Variants in IL1RAPL1 observed in about 807,000 individuals in gnomAD.
The protein encoded by IL1RAPL1 is interleukin 1 receptor accessory protein like 1.
In IL1RAPL1, 3 loss-of-function variants were observed where a neutral mutation model predicts 48.4. The observed-to-expected ratio is 0.06, with a 90% CI of 0.03 to 0.16. The LOEUF is 0.16. IL1RAPL1 is among the 10% of genes least tolerant of loss of function. The probability of loss-of-function intolerance (pLI) is 1.00; values close to 1 mark genes in which losing one functional copy is unlikely to be tolerated. For synonymous variants in IL1RAPL1, 185 were observed against 187.7 expected (o/e 0.99, Z 0.12); for missense variants, 349 against 530.6 (o/e 0.66, Z 3.36).
intron 2 of IL1RAPL1, among the ~76,000 whole-genome samples, chrX:28,962,162 C>T (rs1924795925): frequency 9.0e-6 from 1 of 111,724 alleles, no homozygotes; most frequent in African/African-American, 3.2e-5. Context: ...GACCTGTCTT[C>T]TTTGGAAGAA....
At chrX:29,184,055 CTT>C (rs1930201971) in intron 2 of IL1RAPL1, among the ~76,000 whole-genome samples, 1 of 112,026 alleles carries the variant, frequency 8.9e-6, no homozygotes, top group Non-Finnish European at 1.9e-5. Flanking sequence ...CTCAAAGAAG[CTT>C]TGTGTTATTC....
In IL1RAPL1 at chrX:29,893,449, C is replaced by A. The variant is rs112592942; in HGVS notation, c.779-24015C>A. 9.8e-3 allele frequency among the ~76,000 whole-genome samples: 1,084 copies of A among 111,046 alleles called. 11 individuals are homozygous for A. The highest frequency in any genetic ancestry group is 0.033 in the African/African-American group (1,009 of 30,554). On this transcript the variant is annotated intron_variant, in intron 6 of 10. Transcript: ENST00000378993. ...TGATTCTACATACTATGTTTTCAGA[C>A]AATCTGAATGTGCATTTTTATGGAG... is the stretch of plus-strand genomic sequence containing the variant.
At chrX:29,220,651 A>G (rs919766753) in intron 2 of IL1RAPL1, among the ~76,000 whole-genome samples, 2 of 112,143 alleles carry the variant, frequency 1.8e-5, no homozygotes, top group Non-Finnish European at 3.8e-5. Flanking sequence ...AGCTGTGTAA[A>G]TATTGGAAGA....
intron 2 of IL1RAPL1, among the ~76,000 whole-genome samples, chrX:29,185,501 T>TA (rs1930233069): frequency 8.9e-6 from 1 of 112,021 alleles, no homozygotes; most frequent in East Asian, 2.8e-4. Flanking sequence ...GTAAAGCACT[T>TA]ACCGCAATGC....
chrX:29,513,230 C>T (rs1395437780), intron 5 of IL1RAPL1, among the ~76,000 whole-genome samples: 1 of 111,435 alleles, frequency 9.0e-6, no homozygotes, highest in Non-Finnish European at 1.9e-5. Flanking sequence ...TCACCTTGAC[C>T]ACTAAGTAGA....
chrX:29,901,257 T>C (rs893556730), intron 6 of IL1RAPL1, among the ~76,000 whole-genome samples: 1 of 112,147 alleles, frequency 8.9e-6, no homozygotes, highest in Non-Finnish European at 1.9e-5. Context: ...AAATGTGGTC[T>C]ACAACTGGGT....
chrX:29,686,318 A>G (rs1217994524), intron 6 of IL1RAPL1, among the ~76,000 whole-genome samples: 1 of 111,092 alleles, frequency 9.0e-6, no homozygotes. Context: ...CTCTTAAAGT[A>G]TCATTTTCCA....
At position 29,452,185 on chromosome X, in the gene IL1RAPL1, T is replaced by G. The variant is rs186861180; in HGVS notation, c.703+52877T>G. Among the ~76,000 whole-genome samples, 3 of 112,535 alleles carry G rather than the reference T, an allele frequency of 2.7e-5. No homozygotes were observed. The East Asian group carries it at 8.4e-4, about 31-fold the overall frequency. On this transcript the variant is annotated intron_variant, in intron 5 of 10. Transcript: ENST00000378993. ...TAAAGCAGAATTATATTTACTTTTC[T>G]AAATACTAAATTATATGCAGTATAT...
intron 2 of IL1RAPL1, among the ~76,000 whole-genome samples, chrX:29,144,834 C>T (rs953493463): frequency 7.6e-5 from 8 of 105,846 alleles, no homozygotes; most frequent in Admixed American, 5.2e-4. Flanking sequence ...TCAAGGAATT[C>T]TCCTGCCTCA....
chrX:28,954,266 A>G (rs1256491654), intron 2 of IL1RAPL1, among the ~76,000 whole-genome samples: 1 of 111,510 alleles, frequency 9.0e-6, no homozygotes, highest in Admixed American at 9.6e-5. Context: ...AGCGTCTTCA[A>G]TGTTACAAGA....
At chrX:29,056,786 T>A (rs1260545835) in intron 2 of IL1RAPL1, among the ~76,000 whole-genome samples, 1 of 112,068 alleles carries the variant, frequency 8.9e-6, no homozygotes, top group Non-Finnish European at 1.9e-5. Flanking sequence ...GCTCATTTCT[T>A]AGTAGACATG....
chrX:28,930,954 T>A (rs1206881010), intron 2 of IL1RAPL1, among the ~76,000 whole-genome samples: 1 of 111,113 alleles, frequency 9.0e-6, no homozygotes, highest in South Asian at 3.8e-4. Context: ...TTTTTTTTTT[T>A]CCTGCAAAAC....
rs763980117 is a variant in IL1RAPL1, at chrX:29,282,940, G to A, written c.85G>A (p.Asp29Asn). Reference protein sequence around the residue: ...LKVVTKRGSADGCTDWSIDIK... With the variant: ...LKVVTKRGSANGCTDWSIDIK... ...CTCTGTCTCTTTTTTTACGATAGCC[G>A]ATGGATGCACTGACTGGTCTATCGA... Residue 29 changes from aspartate (D) to asparagine (N), a missense_variant and splice_region_variant, in exon 3 of 11, where the codon GAT (aspartate) becomes AAT (asparagine). By Grantham distance (23) the Asp-to-Asn change is conservative. Transcript: ENST00000378993. 8.3e-6 allele frequency: 10 copies of A among 1,210,405 alleles called. No homozygotes were observed. The South Asian group carries it at 1.1e-4, about 13-fold the overall frequency.
chrX:29,527,401 G>A lies in IL1RAPL1; in HGVS notation c.703+128093G>A, dbSNP rs187995643. 7.5e-4 allele frequency among the ~76,000 whole-genome samples: 65 copies of A among 87,138 alleles called. 1 individual carries two copies. The highest frequency in any genetic ancestry group is 2.4e-3 in the African/African-American group (54 of 22,457). 75.7% of individuals were successfully genotyped at this position (87,138 alleles called of 115,157 possible). ...TCACCAGGCTAGAGTACAGTGGTGC[G>A]ATCTCAGCTCACTGCAACCTCCGCA... On this transcript the variant is annotated intron_variant, in intron 5 of 10. Transcript: ENST00000378993.
At chrX:29,663,401 G>C (rs748541552) in intron 5 of IL1RAPL1, among the ~76,000 whole-genome samples, 1 of 112,314 alleles carries the variant, frequency 8.9e-6, no homozygotes, top group East Asian at 2.8e-4. Flanking sequence ...TCTGAGTATA[G>C]CACTCGCCAC....
intron 2 of IL1RAPL1, among the ~76,000 whole-genome samples, chrX:29,207,770 A>G (rs1460076879): frequency 1.8e-5 from 2 of 111,931 alleles, no homozygotes; most frequent in African/African-American, 3.2e-5. Context: ...GAAGGCAACA[A>G]TTCATACCAA....
chrX:29,650,962 TAGAC>T (rs1331823172), intron 5 of IL1RAPL1, among the ~76,000 whole-genome samples: 1 of 110,420 alleles, frequency 9.1e-6, no homozygotes, highest in East Asian at 2.8e-4. Context: ...AAATGGGCAA[TAGAC>T]AGGTATAGAC....
At chrX:29,694,418 G>A (rs1039343693) in intron 6 of IL1RAPL1, among the ~76,000 whole-genome samples, 2 of 111,990 alleles carry the variant, frequency 1.8e-5, no homozygotes, top group African/African-American at 6.5e-5. Context: ...ATCAGGGATA[G>A]CAGGTCATTC....
At chrX:29,185,472 A>G (rs1930232340) in intron 2 of IL1RAPL1, among the ~76,000 whole-genome samples, 1 of 112,174 alleles carries the variant, frequency 8.9e-6, no homozygotes, top group Non-Finnish European at 1.9e-5. Flanking sequence ...GTTGTTGTGA[A>G]TATCAAATGA....
Sources: gnomAD v4.1 joint callset for allele counts (sites outside exome capture counted in the v4.1 genomes callset) on GRCh38, gnomAD v4.1.1 for gene constraint, MANE v1.5 for transcripts, NCBI Gene and HGNC (gene_info 2026-07-23, HGNC 2026-07-21) for gene names.